Variants in IL1R2 observed in about 807,000 individuals in gnomAD.
IL1R2 encodes interleukin-1 receptor type 2.
In IL1R2, 46 loss-of-function variants were observed where a neutral mutation model predicts 39.5. The observed-to-expected ratio is 1.16, with a 90% CI of 0.92 to 1.49. The LOEUF (loss-of-function observed/expected upper bound fraction) is 1.49. Ranked by LOEUF, IL1R2 falls within the 40% of genes most tolerant of loss-of-function variation. The probability of loss-of-function intolerance (pLI) is 0.00; values close to 1 mark genes in which losing one functional copy is unlikely to be tolerated. For missense variants in IL1R2, 537 were observed against 502.0 expected (o/e 1.07, Z -0.67); for synonymous variants, 207 against 189.6 (o/e 1.09, Z -0.75).
intron 1 of IL1R2, among the ~76,000 whole-genome samples, chr2:102,002,849 TC>T (rs1675980968): frequency 6.6e-6 from 1 of 152,218 alleles, no homozygotes; most frequent in Non-Finnish European, 1.5e-5. Flanking sequence ...TGTGTCTATG[TC>T]TGTGTCTAGG....
In IL1R2 at chr2:102,028,406, A is replaced by G. The variant is rs2150468050; in HGVS notation, c.*14A>G. 6.4e-7 allele frequency: 1 copy of G among 1,570,292 alleles called. No individual in the cohort carries two copies. Among genetic ancestry groups the G allele is most frequent in the Non-Finnish European group, 8.7e-7 (1 of 1,152,464 alleles). ...TATCCCAAGTGAAATAAATGGAATG[A>G]AATAATTCAAACACAAACTCCGTAC... On this transcript the variant is annotated 3_prime_UTR_variant, in exon 9 of 9. Coordinates refer to ENST00000332549, the MANE Select transcript of IL1R2 (RefSeq NM_004633.4).
In IL1R2 at chr2:102,026,248, A is replaced by T. The variant is rs1294872520; in HGVS notation, c.1025A>T (p.Lys342Met). The T allele has an allele frequency of 6.2e-7, 1 of 1,609,262 alleles. No individual in the cohort carries two copies. The highest frequency in any genetic ancestry group is 8.5e-7 in the Non-Finnish European group (1 of 1,178,046). ...LSFQTLRTTV[K>M]EASSTFSWGI... ...TTTCAGACACTACGCACCACAGTCA[A>T]GGAAGGTATGTATGTATTTTGGGGA... Residue 342 changes from lysine to methionine, a missense_variant, in exon 8 of 9, where the codon AAG becomes ATG. Lys to Met is a moderately conservative substitution (Grantham distance 95). Transcript: ENST00000332549.
chr2:102,015,703 A>G (rs987800330), intron 3 of IL1R2, among the ~76,000 whole-genome samples, 168 bp from the exon 4 acceptor site: 18 of 152,246 alleles, frequency 1.2e-4, no homozygotes, highest in African/African-American at 4.3e-4. Flanking sequence ...GCAGCATTGT[A>G]AAGTCAAAAA....
chr2:102,020,021 G>C (rs972792239), intron 5 of IL1R2, among the ~76,000 whole-genome samples: 6 of 152,320 alleles, frequency 3.9e-5, no homozygotes, highest in Non-Finnish European at 8.8e-5. Flanking sequence ...GAGAACAGGT[G>C]AACGAATTGG....
In IL1R2 at chr2:102,009,976, C is replaced by T. The variant is rs536495530; in HGVS notation, c.332+150C>T. 205 of 823,328 alleles carry T rather than the reference C, an allele frequency of 2.5e-4. 1 individual carries two copies. The highest frequency in any genetic ancestry group is 3.4e-4 in the Non-Finnish European group (179 of 527,742). The allele number at this position is 823,328 out of a possible 1,614,324, so 51.0% of individuals were successfully genotyped here. ...CATCCCGTTTGCTGTTCCTGACACC[C>T]CCCCCAACCCTACAGTCTCATTCTG... On this transcript the variant is annotated intron_variant, in intron 3 of 8. Coordinates refer to ENST00000332549, the MANE Select transcript of IL1R2 (RefSeq NM_004633.4).
At chr2:102,001,047 TGTCA>T (rs1349170936) in intron 1 of IL1R2, among the ~76,000 whole-genome samples, 2 of 152,120 alleles carry the variant, frequency 1.3e-5, no homozygotes, top group African/African-American at 4.8e-5. Context: ...TCTTGCTGGG[TGTCA>T]GTCAGGGCAG....
intron 3 of IL1R2, among the ~76,000 whole-genome samples, chr2:102,012,193 C>T (rs1273122196): frequency 3.3e-5 from 5 of 151,718 alleles, no homozygotes. Context: ...ATAAAAACTT[C>T]CTTGGCTTTG....
chr2:101,993,102 T>A (rs1457377862), intron 1 of IL1R2, among the ~76,000 whole-genome samples: 6 of 152,028 alleles, frequency 3.9e-5, no homozygotes, highest in Non-Finnish European at 7.4e-5. Context: ...GTGCACTGAA[T>A]GGAGGGCTTT....
At chr2:102,025,128 G>T (rs1197821335) in intron 7 of IL1R2, among the ~76,000 whole-genome samples, 1 of 152,236 alleles carries the variant, frequency 6.6e-6, no homozygotes, top group South Asian at 2.1e-4. Flanking sequence ...TTAAAAAAAA[G>T]AAAGAATTCA....
At chr2:101,993,506 T>C (rs528178434) in intron 1 of IL1R2, among the ~76,000 whole-genome samples, 1 of 152,266 alleles carries the variant, frequency 6.6e-6, no homozygotes, top group African/African-American at 2.4e-5. Flanking sequence ...TGCCTGAGGC[T>C]CCAACAGAAA....
chr2:102,019,826 A>C lies in IL1R2; in HGVS notation c.688+14A>C, dbSNP rs201557222. 55 of 1,607,000 alleles carry C rather than the reference A, an allele frequency of 3.4e-5. No homozygotes were observed. The highest frequency in any genetic ancestry group is 4.7e-5 in the Non-Finnish European group (55 of 1,175,384). ...TACGCATCAAGAGTAAGTACTTGCC[A>C]TTGAGGCACCTATCTATCCTGGTTC... is the stretch of plus-strand genomic sequence containing the variant. On this transcript the variant is annotated intron_variant, in intron 5 of 8. Transcript: ENST00000332549.
rs780634571 is a variant in IL1R2 at position 102,028,262 on chromosome 2, C to T, written c.1067C>T (p.Pro356Leu). ...TTCTCCTGGGGCATTGTGCTGGCCC[C>T]ACTTTCACTGGCCTTCTTGGTTTTG... ...STFSWGIVLA[P>L]LSLAFLVLGG... is the part of the protein sequence containing the mutation. Residue 356 changes from proline to leucine, a missense_variant, in exon 9 of 9, where the codon CCA becomes CTA. Physicochemically the swap from Pro to Leu is moderately conservative, Grantham distance 98. Transcript: ENST00000332549. 1.7e-5 allele frequency: 28 copies of T among 1,612,284 alleles called. No homozygotes were observed. The South Asian group carries it at 3.1e-4, about 18-fold the overall frequency.
chr2:101,996,534 C>T (rs536587753), intron 1 of IL1R2, among the ~76,000 whole-genome samples: 31 of 96,538 alleles, frequency 3.2e-4, no homozygotes, highest in Admixed American at 1.1e-3. Context: ...CTTCTTGTTA[C>T]TTGGACACCC....
Position 102,024,551 on chromosome 2 carries a change from C to T in IL1R2, c.770C>T (p.Pro257Leu), listed in dbSNP as rs142547344. 3.1e-6 allele frequency: 5 copies of T among 1,613,890 alleles called. No homozygotes were observed. Among genetic ancestry groups the T allele is most frequent in the East Asian group, 2.2e-5 (1 of 44,888 alleles). Residue 257 changes from proline to leucine, a missense_variant, in exon 7 of 9, where the codon CCG becomes CTG. Transcript: ENST00000332549. ...TCCACAGGGTCAAGACTGACAATCCCGTGTAAGGTGTTTCTGGGAACCGGC... is the reference window on the plus strand; with the variant it reads ...TCCACAGGGTCAAGACTGACAATCCTGTGTAAGGTGTTTCTGGGAACCGGC... ...SASLGSRLTI[P>L]CKVFLGTGTP...
chr2:101,993,301 G>A (rs887277305), intron 1 of IL1R2, among the ~76,000 whole-genome samples: 5 of 152,142 alleles, frequency 3.3e-5, no homozygotes, highest in East Asian at 1.9e-4. Context: ...GATGAGCTGC[G>A]TGACAGCTCA....
At chr2:102,026,274 G>C in intron 8 of IL1R2, 21 bp downstream of exon 8, 2 of 1,586,236 alleles carry the variant, frequency 1.3e-6, no homozygotes, top group South Asian at 1.1e-5. Flanking sequence ...ATTTTGGGGA[G>C]CACTATAGGA....
chr2:102,024,775 A>G, intron 7 of IL1R2, 107 bp downstream of exon 7: 1 of 1,330,088 alleles, frequency 7.5e-7, no homozygotes, highest in South Asian at 1.6e-5. Context: ...ACTTTTTTTG[A>G]TTCCAAACTG....
chr2:102,025,273 A>G (rs186373706), intron 7 of IL1R2, among the ~76,000 whole-genome samples: 3 of 152,378 alleles, frequency 2.0e-5, no homozygotes, highest in Admixed American at 1.3e-4. Flanking sequence ...TTTTAAAATT[A>G]CAGTTTTGAT....
intron 1 of IL1R2, among the ~76,000 whole-genome samples, chr2:101,996,542 C>A (rs1675601177): frequency 1.6e-5 from 2 of 126,516 alleles, no homozygotes; most frequent in Admixed American, 9.5e-5. Context: ...TACTTGGACA[C>A]CCTGGACACA....
Sources: allele counts gnomAD v4.1 joint callset (sites outside exome capture counted in the v4.1 genomes callset), GRCh38; gene constraint gnomAD v4.1.1; transcripts MANE v1.5; gene names NCBI Gene and HGNC (gene_info 2026-07-23, HGNC 2026-07-21).